The following WNT9B variants were observed in gnomAD, a reference collection of about 807,000 sequenced individuals.
The protein encoded by WNT9B is Wnt family member 9B, also known as protein Wnt-9b.
In WNT9B, 12 loss-of-function variants were observed where a neutral mutation model predicts 30.2. The observed-to-expected ratio is 0.40, with a 90% CI of 0.26 to 0.64. The LOEUF is 0.64. WNT9B is among the 30% of genes least tolerant of loss of function. The pLI, the probability that WNT9B is intolerant of heterozygous loss-of-function variation, is 0.42. For synonymous variants in WNT9B, 218 were observed against 216.9 expected (o/e 1.01, Z -0.05); for missense variants, 442 against 485.2 (o/e 0.91, Z 0.84).
chr17:46,881,195 G>A (rs1306161395), downstream of WNT9B, among the ~76,000 whole-genome samples: 6 of 152,210 alleles, frequency 3.9e-5, no homozygotes, highest in Non-Finnish European at 2.9e-5. Flanking sequence ...CTTCAGCCCT[G>A]CTGGGGTCCA....
Position 46,877,450 on chromosome 17 carries a change from C to T in WNT9B, c.*732C>T, listed in dbSNP as rs1199067770. On this transcript the variant is annotated 3_prime_UTR_variant, in exon 4 of 4. Coordinates refer to ENST00000290015, the MANE Select transcript of WNT9B (RefSeq NM_003396.3). Reference sequence around the variant, plus strand: ...GCTGGGTTATGCACACTCACCCAGCCGTGCTCAAAACTACCACCAGTGCAG... The same window carrying T: ...GCTGGGTTATGCACACTCACCCAGCTGTGCTCAAAACTACCACCAGTGCAG... Among the ~76,000 whole-genome samples, 1 of 152,144 alleles carries T rather than the reference C, an allele frequency of 6.6e-6. No individual in the cohort carries two copies. Among genetic ancestry groups the T allele is most frequent in the Non-Finnish European group, 1.5e-5 (1 of 68,028 alleles).
intron 1 of WNT9B, among the ~76,000 whole-genome samples, chr17:46,835,549 T>C (rs543517206): frequency 1.3e-5 from 2 of 152,276 alleles, no homozygotes; most frequent in Admixed American, 1.3e-4. Context: ...CATGAGTTAA[T>C]CTCTTAGGTC....
downstream of WNT9B, chr17:46,885,047 G>A (rs571799073): frequency 5.4e-5 from 24 of 441,642 alleles, no homozygotes; most frequent in South Asian, 3.6e-4. Flanking sequence ...GGAGTGCAGT[G>A]GCAAGATCTC....
chr17:46,882,098 G>C (rs997110592), downstream of WNT9B, among the ~76,000 whole-genome samples: 3 of 152,212 alleles, frequency 2.0e-5, no homozygotes, highest in African/African-American at 7.2e-5. Context: ...CGAGGATATA[G>C]TGAGCTGTGA....
At chr17:46,874,816 G>C (rs2085316080) in intron 2 of WNT9B, 1 of 564,558 alleles carries the variant, frequency 1.8e-6, no homozygotes, top group South Asian at 2.0e-5. Flanking sequence ...GACCTCAAAT[G>C]ATCCGCCCGC....
intron 1 of WNT9B, among the ~76,000 whole-genome samples, chr17:46,841,036 G>A (rs987789493): frequency 6.6e-6 from 1 of 152,158 alleles, no homozygotes; most frequent in African/African-American, 2.4e-5. Context: ...CTTTCCCGAT[G>A]CTACTTCCAA....
In WNT9B at chr17:46,851,605, A is replaced by T; in HGVS notation, c.-34A>T. On this transcript the variant is annotated 5_prime_UTR_variant, in exon 1 of 4. Coordinates refer to ENST00000290015, the MANE Select transcript of WNT9B (RefSeq NM_003396.3). This position sits in a 1 kb window ranked among gnomAD's most constrained non-coding sequence, Gnocchi z 4.3. ...CGGAGCTGCGAGCTTGAGCGGCGCG[A>T]GGAGATGCTAGAGGGCGCAGCGCCG... 4.2e-6 allele frequency: 5 copies of T among 1,200,108 alleles called. No homozygotes were observed. The highest frequency in any genetic ancestry group is 5.2e-6 in the Non-Finnish European group (5 of 956,016). The allele number at this position is 1,200,108 out of a possible 1,614,324, so 74.3% of individuals were successfully genotyped here.
At chr17:46,860,488 C>T (rs2085018338) in intron 1 of WNT9B, among the ~76,000 whole-genome samples, 1 of 152,174 alleles carries the variant, frequency 6.6e-6, no homozygotes, top group Non-Finnish European at 1.5e-5. Context: ...CCATCTACCA[C>T]TTACTGACTG....
At chr17:46,834,465 C>A (rs181297825) in intron 1 of WNT9B, among the ~76,000 whole-genome samples, 4 of 152,288 alleles carry the variant, frequency 2.6e-5, no homozygotes, top group Non-Finnish European at 4.4e-5. Context: ...TCTGCTAGGC[C>A]TGCCGAGGCA....
chr17:46,875,175 G>A lies in WNT9B; in HGVS notation c.409G>A (p.Ala137Thr), dbSNP rs202125492. The A allele has an allele frequency of 9.9e-6, 16 of 1,614,016 alleles. No individual in the cohort carries two copies. Among genetic ancestry groups the A allele is most frequent in the East Asian group, 8.9e-5 (4 of 44,882 alleles). ...CCACACCCTGGCCCGGGCCTGCAGCGCTGGGCGCATGGAGCGCTGCACCTG... is the reference window on the plus strand; with the variant it reads ...CCACACCCTGGCCCGGGCCTGCAGCACTGGGCGCATGGAGCGCTGCACCTG... ...LTHTLARACS[A>T]GRMERCTCDD... The change falls in exon 3 of 4, where the codon GCT becomes ACT. Residue 137 changes from alanine to threonine, a missense_variant. Ala to Thr is a moderately conservative substitution (Grantham distance 58). Transcript: ENST00000290015.
At chr17:46,850,998 C>T (rs911893812), upstream of WNT9B, among the ~76,000 whole-genome samples, 2 of 152,250 alleles carry the variant, frequency 1.3e-5, no homozygotes, top group African/African-American at 2.4e-5. Context: ...CCTCTCTCCC[C>T]TCTGCCCAAG....
chr17:46,883,005 G>GT (rs748152520), downstream of WNT9B, among the ~76,000 whole-genome samples: 6 of 151,338 alleles, frequency 4.0e-5, no homozygotes, highest in Non-Finnish European at 8.8e-5. Context: ...TTGAGACAGA[G>GT]TCTCCCTCTG....
intron 1 of WNT9B, among the ~76,000 whole-genome samples, chr17:46,845,716 C>G (rs1266858254): frequency 6.6e-6 from 1 of 151,218 alleles, no homozygotes; most frequent in Non-Finnish European, 1.5e-5. Context: ...TCTCAAACTC[C>G]TGACCTTGTG....
chr17:46,875,002 C>A (rs762688649), intron 2 of WNT9B, 99 bp from the exon 3 acceptor site: 1 of 1,586,888 alleles, frequency 6.3e-7, no homozygotes, highest in Admixed American at 1.7e-5. Context: ...CTGCCACCAC[C>A]GCCTCTGGCC....
chr17:46,876,593 G>C lies in WNT9B; in HGVS notation c.949G>C (p.Gly317Arg), dbSNP rs753748759. The C allele has an allele frequency of 6.2e-7, 1 of 1,613,336 alleles. No individual in the cohort carries two copies. The change falls in exon 4 of 4, where the codon GGG (glycine) becomes CGG (arginine). Residue 317 changes from glycine (G) to arginine (R), a missense_variant. Gly to Arg is a moderately radical substitution (Grantham distance 125). Transcript: ENST00000290015. Reference protein sequence around the residue: ...REASCSSLCCGRGYDTQSRLV... With the variant: ...REASCSSLCCRRGYDTQSRLV... ...GGCCAGCTGCAGCAGCCTGTGCTGC[G>C]GGCGGGGCTATGACACCCAGAGCCG... is the stretch of plus-strand genomic sequence containing the variant.
At chr17:46,862,820 G>A (rs1292712027) in intron 1 of WNT9B, among the ~76,000 whole-genome samples, 1 of 152,212 alleles carries the variant, frequency 6.6e-6, no homozygotes, top group Non-Finnish European at 1.5e-5. Flanking sequence ...CTGATCTCAA[G>A]TGATCCGCCC....
intron 1 of WNT9B, among the ~76,000 whole-genome samples, chr17:46,841,896 T>C (rs1404115653): frequency 6.6e-6 from 1 of 152,200 alleles, no homozygotes; most frequent in Non-Finnish European, 1.5e-5. Flanking sequence ...CTCTGCGGTG[T>C]GTGGGGGGGT....
At chr17:46,837,339 C>T (rs918775846) in intron 1 of WNT9B, among the ~76,000 whole-genome samples, 1 of 152,292 alleles carries the variant, frequency 6.6e-6, no homozygotes, top group Non-Finnish European at 1.5e-5. Flanking sequence ...GGCCTGATAA[C>T]CTACTCATGG....
chr17:46,854,796 A>T (rs981463023), intron 1 of WNT9B, among the ~76,000 whole-genome samples: 1 of 152,018 alleles, frequency 6.6e-6, no homozygotes, highest in Non-Finnish European at 1.5e-5. Context: ...GAGAGCTAGG[A>T]TTACTGGTGC....
Sources: allele counts gnomAD v4.1 joint callset (sites outside exome capture counted in the v4.1 genomes callset), GRCh38; gene constraint gnomAD v4.1.1; non-coding constraint Gnocchi (gnomAD v3.1); transcripts MANE v1.5; gene names NCBI Gene and HGNC (gene_info 2026-07-23, HGNC 2026-07-21).